DLGAP1: variants seen among roughly 807,000 people sequenced by gnomAD.
DLGAP1 encodes DLG associated protein 1.
DLGAP1 carries 11 observed loss-of-function variants against 90.8 expected under a neutral mutation model. The ratio of observed to expected loss-of-function variants is 0.12; its 90% confidence interval spans 0.08 to 0.20. The LOEUF (loss-of-function observed/expected upper bound fraction) is 0.20, where lower values mean the gene tolerates loss of function less well. Ranked by LOEUF, DLGAP1 falls within the 10% of genes least tolerant of loss-of-function variation. DLGAP1 has a pLI of 1.00. For missense variants in DLGAP1, 1,050 were observed against 1,333.8 expected (o/e 0.79, Z 3.31); for synonymous variants, 558 against 540.7 (o/e 1.03, Z -0.44).
At chr18:3,912,113 A>T (rs138558575) in intron 3 of DLGAP1, among the ~76,000 whole-genome samples, 2 of 152,274 alleles carry the variant, frequency 1.3e-5, no homozygotes, top group Non-Finnish European at 2.9e-5. Context: ...ATTCTTCTTG[A>T]CTCATTTATA....
At chr18:3,930,379 C>A (rs2072489466) in intron 3 of DLGAP1, among the ~76,000 whole-genome samples, 1 of 152,154 alleles carries the variant, frequency 6.6e-6, no homozygotes, top group South Asian at 2.1e-4. Context: ...TTTTAAAATA[C>A]CCTCTTGTGA....
intron 7 of DLGAP1, among the ~76,000 whole-genome samples, chr18:3,639,921 AT>A (rs1226920529): frequency 1.4e-5 from 2 of 147,956 alleles, no homozygotes; most frequent in Non-Finnish European, 3.0e-5. Flanking sequence ...CACCCGGCTA[AT>A]TTTTTGTATT....
At chr18:4,440,654 C>T (rs1452441148) in intron 1 of DLGAP1, among the ~76,000 whole-genome samples, 1 of 152,148 alleles carries the variant, frequency 6.6e-6, no homozygotes, top group South Asian at 2.1e-4. Flanking sequence ...AAGATATAAG[C>T]CATTTCACTT....
chr18:3,827,619 C>T (rs1453321855), intron 4 of DLGAP1, among the ~76,000 whole-genome samples: 7 of 152,148 alleles, frequency 4.6e-5, no homozygotes, highest in Admixed American at 3.9e-4. Context: ...ACAGCAGTGG[C>T]TTTTAAATAG....
At chr18:3,539,973 C>G (rs2052593203) in intron 9 of DLGAP1, among the ~76,000 whole-genome samples, 1 of 152,172 alleles carries the variant, frequency 6.6e-6, no homozygotes, top group Non-Finnish European at 1.5e-5. Flanking sequence ...TTTCTTTGTA[C>G]ATGCCTTTAG....
intron 2 of DLGAP1, among the ~76,000 whole-genome samples, chr18:4,078,130 T>G (rs930671883): frequency 3.9e-5 from 6 of 152,210 alleles, no homozygotes; most frequent in Admixed American, 2.0e-4. Flanking sequence ...AATAAGTTAC[T>G]AAAGCTTTAG....
intron 3 of DLGAP1, among the ~76,000 whole-genome samples, chr18:3,951,910 A>G (rs2072993684): frequency 1.3e-5 from 2 of 152,294 alleles, no homozygotes; most frequent in African/African-American, 4.8e-5. Context: ...TTTTTTGTTT[A>G]TAAATTACCC....
At chr18:4,190,734 G>A (rs533237022) in intron 1 of DLGAP1, among the ~76,000 whole-genome samples, 188 of 152,070 alleles carry the variant, frequency 1.2e-3, no homozygotes, top group African/African-American at 4.3e-3. Context: ...TGCTTAACCC[G>A]TTATGATTTT....
At chr18:3,501,859 A>C (rs2049952569) in intron 12 of DLGAP1, among the ~76,000 whole-genome samples, 1 of 152,052 alleles carries the variant, frequency 6.6e-6, no homozygotes, top group African/African-American at 2.4e-5. Flanking sequence ...TTAAAGTAAA[A>C]GAATTTAAGT....
At chr18:4,430,369 T>C (rs1341489589) in intron 1 of DLGAP1, among the ~76,000 whole-genome samples, 1 of 152,218 alleles carries the variant, frequency 6.6e-6, no homozygotes, top group Non-Finnish European at 1.5e-5. Flanking sequence ...CCAGTTTTTA[T>C]ACAGTCATTA....
chr18:3,695,184 T>A (rs1334046019), intron 7 of DLGAP1, among the ~76,000 whole-genome samples: 1 of 152,050 alleles, frequency 6.6e-6, no homozygotes, highest in African/African-American at 2.4e-5. Flanking sequence ...GACCTCATGG[T>A]CCACCCGTTT....
At chr18:3,963,469 C>T (rs2073249882) in intron 3 of DLGAP1, among the ~76,000 whole-genome samples, 1 of 152,126 alleles carries the variant, frequency 6.6e-6, no homozygotes, top group Non-Finnish European at 1.5e-5. Context: ...ATTACTGACA[C>T]ATTTGCCCCA....
intron 1 of DLGAP1, among the ~76,000 whole-genome samples, chr18:4,187,339 G>C (rs1598577560): frequency 6.6e-6 from 1 of 152,204 alleles, no homozygotes; most frequent in Non-Finnish European, 1.5e-5. Flanking sequence ...TTTTCAAGAA[G>C]AATGTTTCCA....
intron 2 of DLGAP1, among the ~76,000 whole-genome samples, chr18:4,136,615 A>G (rs1372168920): frequency 6.6e-6 from 1 of 152,068 alleles, no homozygotes; most frequent in East Asian, 1.9e-4. Context: ...GATTTGCTTG[A>G]GCTCCTTATA....
chr18:4,099,107 G>C (rs1345416355), intron 2 of DLGAP1, among the ~76,000 whole-genome samples: 3 of 152,152 alleles, frequency 2.0e-5, no homozygotes, highest in Non-Finnish European at 4.4e-5. Context: ...CTATCTTCTA[G>C]TTTTGTTGTA....
intron 6 of DLGAP1, among the ~76,000 whole-genome samples, chr18:3,730,515 T>C (rs1196312329): frequency 4.6e-5 from 7 of 152,196 alleles, no homozygotes; most frequent in African/African-American, 1.7e-4. Context: ...TGCTAGAGAT[T>C]TGGGAGCATT....
intron 7 of DLGAP1, among the ~76,000 whole-genome samples, chr18:3,644,484 C>T (rs1236692671): frequency 2.0e-5 from 3 of 151,978 alleles, no homozygotes; most frequent in African/African-American, 7.3e-5. Flanking sequence ...GATCTTGGCT[C>T]ACTGCAACCT....
intron 7 of DLGAP1, among the ~76,000 whole-genome samples, chr18:3,728,746 GT>G (rs1324651348): frequency 6.6e-6 from 1 of 152,174 alleles, no homozygotes; most frequent in Non-Finnish European, 1.5e-5. Flanking sequence ...TCTGTGATGG[GT>G]CATAAGCAGG....
At chr18:3,698,450 A>T (rs2061168354) in intron 7 of DLGAP1, among the ~76,000 whole-genome samples, 2 of 152,194 alleles carry the variant, frequency 1.3e-5, no homozygotes, top group Admixed American at 6.5e-5. Context: ...TAAGAAGCTT[A>T]GTTTGGCTGG....
Sources: allele counts gnomAD v4.1 joint callset (sites outside exome capture counted in the v4.1 genomes callset), GRCh38; gene constraint gnomAD v4.1.1; transcripts MANE v1.5; gene names NCBI Gene and HGNC (gene_info 2026-07-23, HGNC 2026-07-21).